PLCB2: variants seen among roughly 807,000 people sequenced by gnomAD.
PLCB2 encodes the protein 1-phosphatidylinositol 4,5-bisphosphate phosphodiesterase beta-2.
Under a neutral mutation model 141.7 loss-of-function variants are expected in PLCB2, and 115 were observed. The observed-to-expected ratio is 0.81, with a 90% CI of 0.70 to 0.95. The LOEUF (loss-of-function observed/expected upper bound fraction) is 0.95, where lower values mean the gene tolerates loss of function less well. Among genes scored for constraint, PLCB2 ranks in the 40% least tolerant of loss-of-function variants. PLCB2 has a pLI of 0.00. For synonymous variants in PLCB2, 603 were observed against 595.6 expected (o/e 1.01, Z -0.18); for missense variants, 1,403 against 1,541.1 (o/e 0.91, Z 1.50).
intron 18 of PLCB2, 127 bp downstream of exon 18, chr15:40,294,809 G>C: frequency 2.5e-6 from 3 of 1,180,144 alleles, no homozygotes; most frequent in Non-Finnish European, 3.6e-6. Context: ...TCACGCACCT[G>C]GGCATGCTCC....
intron 1 of PLCB2, among the ~76,000 whole-genome samples, chr15:40,305,863 G>T (rs2040769103): frequency 6.6e-6 from 1 of 152,202 alleles, no homozygotes; most frequent in Non-Finnish European, 1.5e-5. Flanking sequence ...GGACCAGCAG[G>T]GAATCCCACC....
chr15:40,294,874 A>G, intron 18 of PLCB2, 62 bp downstream of exon 18: 1 of 1,607,428 alleles, frequency 6.2e-7, no homozygotes, highest in African/African-American at 1.3e-5. Flanking sequence ...CCCCTCAAGG[A>G]TGTAAAGGTG....
Position 40,288,430 on chromosome 15 carries a change from A to G in PLCB2, c.*285T>C, listed in dbSNP as rs1369575766. 48 of 1,167,720 alleles carry G rather than the reference A, an allele frequency of 4.1e-5. No individual in the cohort carries two copies. Among genetic ancestry groups the G allele is most frequent in the Non-Finnish European group, 4.9e-5 (46 of 945,812 alleles). The allele number at this position is 1,167,720 out of a possible 1,614,324, so 72.3% of individuals were successfully genotyped here. A position where few individuals can be genotyped will look rare whatever the true frequency, so the allele number is the denominator to read the frequency against. ...TCCCACTTTCTGCCTTCCAGTCCAT[A>G]GTCTTTTGCCCTCAACAAATATATG... On this transcript the variant is annotated 3_prime_UTR_variant, in exon 32 of 32. Coordinates refer to ENST00000260402, the MANE Select transcript of PLCB2 (RefSeq NM_004573.3).
chr15:40,302,136 T>G lies in PLCB2; in HGVS notation c.506A>C (p.Asn169Thr). 3 of 1,611,522 alleles carry G rather than the reference T, an allele frequency of 1.9e-6. No individual in the cohort carries two copies. Among genetic ancestry groups the G allele is most frequent in the Non-Finnish European group, 2.5e-6 (3 of 1,178,314 alleles). Residue 169 changes from asparagine to threonine, a missense_variant and splice_region_variant, in exon 6 of 32, where the codon AAC (asparagine) becomes ACC (threonine). Around this residue, in one of 4 missense-constraint regions of PLCB2, gnomAD observed 975 missense variants for 1,141.1 expected, o/e 0.85. Coordinates refer to ENST00000260402, the MANE Select transcript of PLCB2 (RefSeq NM_004573.3). ...LNSEGKIPVK[N>T]FFQMFPADRK... Reference sequence around the variant, plus strand: ...CCTGGGGAGGGGTTGGGGGGCTCACTTCTTCACCGGAATCTTCCCTTCAGA... The same window carrying G: ...CCTGGGGAGGGGTTGGGGGGCTCACGTCTTCACCGGAATCTTCCCTTCAGA...
chr15:40,287,443 G>T (rs369552289), downstream of PLCB2, among the ~76,000 whole-genome samples: 27 of 152,190 alleles, frequency 1.8e-4, no homozygotes, highest in African/African-American at 6.5e-4. Flanking sequence ...TGGGATTTGG[G>T]ATCATGTCAT....
In PLCB2 at chr15:40,301,800, G is replaced by C. The variant is rs2040523644; in HGVS notation, c.582+157C>G. Reference sequence around the variant, plus strand: ...TGCCCTGGCTCCACCCCTGTGCCTAGTGTCAGTAACCAGCAGCTCCAGGGT... The same window carrying C: ...TGCCCTGGCTCCACCCCTGTGCCTACTGTCAGTAACCAGCAGCTCCAGGGT... On this transcript the variant is annotated intron_variant, in intron 7 of 31. Transcript: ENST00000260402. 4 of 717,442 alleles carry C rather than the reference G, an allele frequency of 5.6e-6. No homozygotes were observed. The Admixed American group carries it at 8.3e-5, about 15-fold the overall frequency. 44.4% of individuals were successfully genotyped at this position (717,442 alleles called of 1,614,324 possible). A position where few individuals can be genotyped will look rare whatever the true frequency, so the allele number is the denominator to read the frequency against.
In PLCB2 at chr15:40,288,026, T is replaced by C. The variant is rs1451602198; in HGVS notation, c.*689A>G. 4 of 985,216 alleles carry C rather than the reference T, an allele frequency of 4.1e-6. No individual in the cohort carries two copies. The allele number at this position is 985,216 out of a possible 1,614,324, so 61.0% of individuals were successfully genotyped here. ...CAGGCAGCCTGAGAGGGGTACATGG[T>C]AGGAACTGCCTGCCCCCAGGCCTAG... On this transcript the variant is annotated 3_prime_UTR_variant, in exon 32 of 32. Transcript: ENST00000260402.
rs2039725185 is a variant in PLCB2, at chr15:40,289,339, C to T, written c.3287G>A (p.Arg1096Lys). 1.2e-6 allele frequency: 2 copies of T among 1,613,984 alleles called. No individual in the cohort carries two copies. The highest frequency in any genetic ancestry group is 4.5e-5 in the East Asian group (2 of 44,884). ...VIKQMTENLE[R>K]HQEKLEEKQA... is the part of the protein sequence containing the mutation. ...CTTCTCCTCCAGCTTCTCCTGGTGCCTCTCCAAGTTCTCCGTCATCTGGGT... is the reference window on the plus strand; with the variant it reads ...CTTCTCCTCCAGCTTCTCCTGGTGCTTCTCCAAGTTCTCCGTCATCTGGGT... The change falls in exon 31 of 32, where the codon AGG becomes AAG. Residue 1096 changes from arginine (R) to lysine (K), a missense_variant. Physicochemically the swap from Arg to Lys is conservative, Grantham distance 26. Around this residue, in one of 4 missense-constraint regions of PLCB2, gnomAD observed 132 missense variants for 132.4 expected, o/e 1.00. Transcript: ENST00000260402.
Position 40,302,033 on chromosome 15 carries a change from C to T in PLCB2, c.507-1G>A. On this transcript the variant is annotated splice_acceptor_variant, in intron 6 of 31. Transcript: ENST00000260402. LOFTEE classifies it high-confidence loss of function. ...GTCAGCAGGAAACATCTGGAAAAAG[C>T]TGAAGGGGCAGAGAAAGGTACCAGG... is the stretch of plus-strand genomic sequence containing the variant. The T allele has an allele frequency of 6.2e-7, 1 of 1,614,174 alleles. No homozygotes were observed. Among genetic ancestry groups the T allele is most frequent in the Non-Finnish European group, 8.5e-7 (1 of 1,180,032 alleles).
downstream of PLCB2, chr15:40,284,298 A>G (rs1172080701): frequency 3.0e-6 from 1 of 332,120 alleles, no homozygotes; most frequent in East Asian, 9.1e-5. Flanking sequence ...TGAGCCGCAC[A>G]TTTTGTTGCC....
chr15:40,289,600 T>C, intron 30 of PLCB2: 1 of 564,044 alleles, frequency 1.8e-6, no homozygotes, highest in East Asian at 3.0e-5. Flanking sequence ...ACCCAGTAGG[T>C]GGCAGCTGTG....
chr15:40,286,812 A>T (rs2039618406), downstream of PLCB2, among the ~76,000 whole-genome samples: 1 of 152,240 alleles, frequency 6.6e-6, no homozygotes, highest in African/African-American at 2.4e-5. Flanking sequence ...AGGCCTGGCC[A>T]CATGGGAAGG....
intron 21 of PLCB2, 132 bp downstream of exon 21, chr15:40,292,794 T>C: frequency 1.6e-6 from 1 of 606,466 alleles, no homozygotes; most frequent in Non-Finnish European, 3.0e-6. Context: ...GGAGAGGTAC[T>C]GTTCTGCCCT....
chr15:40,298,987 C>T, intron 8 of PLCB2, 23 bp from the exon 9 acceptor site: 2 of 1,601,056 alleles, frequency 1.2e-6, no homozygotes, highest in South Asian at 1.1e-5. Flanking sequence ...GAGAAGAGCA[C>T]AGGTCCATAT....
chr15:40,290,537 T>G (rs1433251102), intron 29 of PLCB2, 40 bp downstream of exon 29: 1 of 1,418,372 alleles, frequency 7.1e-7, no homozygotes, highest in Admixed American at 1.7e-5. Context: ...CCACCTGAAG[T>G]GGGGTCTGCC....
rs867608566 is a variant in PLCB2 at position 40,304,204 on chromosome 15, C to A, written c.85-126G>T. 2.7e-5 allele frequency: 18 copies of A among 659,536 alleles called. No homozygotes were observed. In the Middle Eastern group the frequency reaches 1.7e-3, roughly 61 times the overall value. The allele number at this position is 659,536 out of a possible 1,614,324, so 40.9% of individuals were successfully genotyped here. A position where few individuals can be genotyped will look rare whatever the true frequency, so the allele number is the denominator to read the frequency against. ...CCATCCCAGAAATCTGAAGGCATTT[C>A]CTTTTGTTGTCTAGAGCTAAGCACC... is the stretch of plus-strand genomic sequence containing the variant. On this transcript the variant is annotated intron_variant, in intron 1 of 31. Coordinates refer to ENST00000260402, the MANE Select transcript of PLCB2 (RefSeq NM_004573.3).
At chr15:40,286,513 G>A (rs1280697266), downstream of PLCB2, among the ~76,000 whole-genome samples, 4 of 152,168 alleles carry the variant, frequency 2.6e-5, no homozygotes, top group East Asian at 1.9e-4. Flanking sequence ...CAGGGGACTC[G>A]AGTCTGAGTC....
chr15:40,294,411 A>C lies in PLCB2; in HGVS notation c.1916T>G (p.Met639Arg). 2.5e-6 allele frequency: 4 copies of C among 1,614,164 alleles called. No homozygotes were observed. The highest frequency in any genetic ancestry group is 3.4e-6 in the Non-Finnish European group (4 of 1,180,028). The change falls in exon 19 of 32, where the codon ATG becomes AGG. Residue 639 changes from methionine (M) to arginine (R), a missense_variant. Physicochemically the swap from Met to Arg is moderately conservative, Grantham distance 91. This residue lies in a region of PLCB2 where 975 missense variants were observed against 1,141.1 expected (regional missense o/e 0.85). Transcript: ENST00000260402. Reference protein sequence around the residue: ...ALNFQTMDLPMQQNMAVFEFN... With the variant: ...ALNFQTMDLPRQQNMAVFEFN... ...CTCAAATACTGCCATGTTCTGCTGC[A>C]TGGGCAAGTCTGGAGGGACAAGGAC... is the stretch of plus-strand genomic sequence containing the variant.
intron 7 of PLCB2, chr15:40,300,622 T>C (rs2141139946): frequency 6.6e-6 from 1 of 152,312 alleles, no homozygotes; most frequent in South Asian, 2.1e-4. Flanking sequence ...TGGATAAACC[T>C]TGAAAACATT....
Sources: gnomAD v4.1 joint callset for allele counts (sites outside exome capture counted in the v4.1 genomes callset) on GRCh38, gnomAD v4.1.1 for gene constraint, gnomAD v4.1.1 regional missense constraint, MANE v1.5 for transcripts, NCBI Gene and HGNC (gene_info 2026-07-23, HGNC 2026-07-21) for gene names.